Variants in FRMD5 observed in about 807,000 individuals in gnomAD.
FRMD5 encodes FERM domain-containing protein 5.
FRMD5 carries 20 observed loss-of-function variants against 69.0 expected under a neutral mutation model. The ratio of observed to expected loss-of-function variants is 0.29; its 90% CI spans 0.20 to 0.42. The LOEUF (loss-of-function observed/expected upper bound fraction) is 0.42, where lower values mean the gene tolerates loss of function less well. Ranked by LOEUF, FRMD5 falls within the 10% of genes least tolerant of loss-of-function variation. The probability of loss-of-function intolerance (pLI) is 1.00; values close to 1 mark genes in which losing one functional copy is unlikely to be tolerated. For synonymous variants in FRMD5, 271 were observed against 260.1 expected (o/e 1.04, Z -0.40); for missense variants, 595 against 708.6 (o/e 0.84, Z 1.82).
intron 1 of FRMD5, among the ~76,000 whole-genome samples, chr15:44,014,105 G>A (rs1335663711): frequency 6.6e-6 from 1 of 152,054 alleles, no homozygotes; most frequent in Non-Finnish European, 1.5e-5. Context: ...TTTCAAGAGA[G>A]ACACTCATCA....
intron 1 of FRMD5, among the ~76,000 whole-genome samples, chr15:44,104,907 A>G (rs1298538912): frequency 1.3e-5 from 2 of 150,970 alleles, no homozygotes; most frequent in African/African-American, 2.4e-5. Context: ...TAGAAAACAT[A>G]TATTTCTTTT....
chr15:43,967,755 AT>A (rs977175886), intron 1 of FRMD5, among the ~76,000 whole-genome samples: 8 of 151,510 alleles, frequency 5.3e-5, no homozygotes, highest in Middle Eastern at 3.4e-3. Context: ...ATATCTTTAA[AT>A]TTTTTTTTAA....
intron 1 of FRMD5, among the ~76,000 whole-genome samples, chr15:43,978,847 C>T (rs574907670): frequency 6.6e-6 from 1 of 152,238 alleles, no homozygotes; most frequent in African/African-American, 2.4e-5. Context: ...CCACCACACC[C>T]GGCCAAGTTT....
intron 1 of FRMD5, among the ~76,000 whole-genome samples, chr15:44,001,304 T>G (rs1367003440): frequency 6.6e-6 from 1 of 152,214 alleles, no homozygotes; most frequent in East Asian, 1.9e-4. Context: ...TTGGATTTAA[T>G]CCCTTATCAG....
At chr15:43,999,923 GTATATATATATATATATA>G (rs57166959) in intron 1 of FRMD5, among the ~76,000 whole-genome samples, 631 of 58,258 alleles carry the variant, frequency 0.011, 24 homozygotes, top group African/African-American at 0.045. Context: ...GTGTGTGTAT[GTATATATATATATATATA>G]TATATGCCAT....
In FRMD5 at chr15:43,996,345, G is replaced by A. The variant is rs201391641; in HGVS notation, c.103-72036C>T. Among the ~76,000 whole-genome samples, 21 of 152,292 alleles carry A rather than the reference G, an allele frequency of 1.4e-4. No homozygotes were observed. The East Asian group carries it at 3.5e-3, about 25-fold the overall frequency. On this transcript the variant is annotated intron_variant, in intron 1 of 13. Transcript: ENST00000417257. ...GACAGGCCCAGTGTTGAGGAATGAG[G>A]CAACGTCCGGTACTCACTCTCCTTC... is the stretch of plus-strand genomic sequence containing the variant.
chr15:43,958,242 C>A (rs1237567544), intron 1 of FRMD5, among the ~76,000 whole-genome samples: 3 of 151,834 alleles, frequency 2.0e-5, no homozygotes, highest in African/African-American at 7.3e-5. Context: ...GTGGTCAGCA[C>A]ACAGGTGCTG....
chr15:43,915,921 G>C (rs1014520159), intron 4 of FRMD5, among the ~76,000 whole-genome samples: 1 of 152,196 alleles, frequency 6.6e-6, no homozygotes, highest in Non-Finnish European at 1.5e-5. Flanking sequence ...GTTGAGTGAG[G>C]CTGGGCCCGG....
intron 1 of FRMD5, among the ~76,000 whole-genome samples, chr15:44,190,817 A>G (rs1167435446): frequency 6.6e-6 from 1 of 152,228 alleles, no homozygotes. Flanking sequence ...TAGAACAAAT[A>G]TTTATTGAAT....
chr15:44,028,654 G>T (rs369579066), intron 1 of FRMD5, among the ~76,000 whole-genome samples: 1 of 152,182 alleles, frequency 6.6e-6, no homozygotes, highest in Non-Finnish European at 1.5e-5. Flanking sequence ...AGAGGCTCAG[G>T]GGGGTGCAAC....
chr15:44,140,944 G>A (rs2162365), intron 1 of FRMD5, among the ~76,000 whole-genome samples: 131,685 of 146,972 alleles, frequency 0.9, 59,456 homozygotes, highest in East Asian at 1. Flanking sequence ...GGATTCAGCA[G>A]GGTTGCTGGA....
chr15:44,185,950 GA>G (rs2078093413), intron 1 of FRMD5, among the ~76,000 whole-genome samples: 1 of 148,326 alleles, frequency 6.7e-6, no homozygotes, highest in African/African-American at 2.6e-5. Context: ...TTTTGAGACA[GA>G]GTTTCTCTCT....
At chr15:44,170,097 TGTTTAA>T (rs1409631932) in intron 1 of FRMD5, among the ~76,000 whole-genome samples, 1 of 152,170 alleles carries the variant, frequency 6.6e-6, no homozygotes, top group African/African-American at 2.4e-5. Context: ...TTGCTTTTTT[TGTTTAA>T]GAGACAGGGT....
chr15:44,051,139 CTTTTTTTTTTTTTTT>C (rs779951038), intron 1 of FRMD5, among the ~76,000 whole-genome samples: 10 of 78,370 alleles, frequency 1.3e-4, no homozygotes, highest in East Asian at 4.9e-4. Flanking sequence ...CATTCAGTCA[CTTTTTTTTTTTTTTT>C]TTTTTTTTTT....
At chr15:43,950,304 A>G (rs1418241830) in intron 1 of FRMD5, among the ~76,000 whole-genome samples, 1 of 152,220 alleles carries the variant, frequency 6.6e-6, no homozygotes, top group African/African-American at 2.4e-5. Flanking sequence ...GCCTCCTTTA[A>G]TGAGATCCTA....
At chr15:44,176,967 T>C (rs1227226853) in intron 1 of FRMD5, among the ~76,000 whole-genome samples, 5 of 29,114 alleles carry the variant, frequency 1.7e-4, no homozygotes, top group Non-Finnish European at 2.2e-4. Context: ...AAATAAAATA[T>C]GTAAAAAAAA....
intron 5 of FRMD5, among the ~76,000 whole-genome samples, chr15:43,907,223 G>A (rs2089196021): frequency 2.6e-5 from 4 of 152,136 alleles, no homozygotes; most frequent in Non-Finnish European, 4.4e-5. Flanking sequence ...ATATTAAGAG[G>A]AAAAGGTGCC....
chr15:44,084,245 T>C (rs928816314), intron 1 of FRMD5, among the ~76,000 whole-genome samples: 8 of 152,128 alleles, frequency 5.3e-5, no homozygotes, highest in African/African-American at 1.7e-4. Context: ...ACATTATACA[T>C]ACCCCCTGTT....
At chr15:43,945,121 A>G (rs1051743705) in intron 1 of FRMD5, among the ~76,000 whole-genome samples, 5 of 152,048 alleles carry the variant, frequency 3.3e-5, no homozygotes, top group Non-Finnish European at 7.4e-5. Context: ...CAGATAGGAC[A>G]TCTCCTTAAT....
Sources: allele counts gnomAD v4.1 joint callset (sites outside exome capture counted in the v4.1 genomes callset), GRCh38; gene constraint gnomAD v4.1.1; transcripts MANE v1.5; gene names NCBI Gene and HGNC (gene_info 2026-07-23, HGNC 2026-07-21).